The following SLIT2 variants were observed in gnomAD, a reference collection of about 807,000 sequenced individuals.
SLIT2 encodes the protein slit guidance ligand 2.
A neutral mutation model predicts 185.7 loss-of-function variants in SLIT2; 41 were observed. That is an observed-to-expected ratio of 0.22 (90% CI 0.17 to 0.29). SLIT2 has a LOEUF of 0.29. Among genes scored for constraint, SLIT2 ranks in the 10% least tolerant of loss-of-function variants. The pLI, the probability that SLIT2 is intolerant of heterozygous loss-of-function variation, is 1.00. For synonymous variants in SLIT2, 693 were observed against 680.2 expected, an observed-to-expected ratio of 1.02 and a Z score of -0.29; for missense variants, 1,571 against 1,909.0, an observed-to-expected ratio of 0.82 and a Z score of 3.30.
In SLIT2 at chr4:20,253,621, G is replaced by T; in HGVS notation, c.-195G>T. The T allele has an allele frequency of 1.6e-6, 1 of 624,690 alleles. No homozygotes were observed. Among genetic ancestry groups the T allele is most frequent in the South Asian group, 2.0e-5 (1 of 50,864 alleles). 38.7% of individuals were successfully genotyped at this position (624,690 alleles called of 1,614,324 possible). On this transcript the variant is annotated 5_prime_UTR_variant, in exon 1 of 37. Coordinates refer to ENST00000504154, the MANE Select transcript of SLIT2 (RefSeq NM_004787.4). The stretch of plus-strand genomic sequence containing the variant: ...GGAGCTCCTGCTCTGCCAGAGGAGG[G>T]TGGAGAGGGCGGTGGGAGGCGTGTG...
rs1716613144 is a variant in SLIT2 at position 20,480,702 on chromosome 4, A to G, written c.468-14A>G. On this transcript the variant is annotated splice_polypyrimidine_tract_variant and intron_variant, in intron 5 of 36. Coordinates refer to ENST00000504154, the MANE Select transcript of SLIT2 (RefSeq NM_004787.4). ...CCATCCCTTCTACATATATTCTTCTAATCTTTTTAACAGGCAACTGGATTA... is the reference window on the plus strand; with the variant it reads ...CCATCCCTTCTACATATATTCTTCTGATCTTTTTAACAGGCAACTGGATTA... The G allele has an allele frequency of 1.9e-6, 3 of 1,606,636 alleles. No homozygotes were observed. The highest frequency in any genetic ancestry group is 1.7e-5 in the Admixed American group (1 of 59,964).
chr4:20,493,689 C>G (rs544721259), intron 9 of SLIT2, among the ~76,000 whole-genome samples: 1 of 152,244 alleles, frequency 6.6e-6, no homozygotes, highest in East Asian at 1.9e-4. Context: ...CTCTGAGACC[C>G]TGTATCCCAT....
chr4:20,605,415 C>T (rs867334600), intron 33 of SLIT2, among the ~76,000 whole-genome samples: 3 of 152,104 alleles, frequency 2.0e-5, no homozygotes, highest in Non-Finnish European at 2.9e-5. Flanking sequence ...AATAGGTGAG[C>T]GTAGTAAAAC....
intron 26 of SLIT2, among the ~76,000 whole-genome samples, chr4:20,561,558 G>A (rs1053732753): frequency 9.9e-5 from 15 of 151,562 alleles, no homozygotes; most frequent in African/African-American, 2.2e-4. Flanking sequence ...ATTCAGTTTT[G>A]AAGCATTATT....
At chr4:20,478,770 A>G (rs1376033972) in intron 5 of SLIT2, among the ~76,000 whole-genome samples, 1 of 152,218 alleles carries the variant, frequency 6.6e-6, no homozygotes, top group Non-Finnish European at 1.5e-5. Flanking sequence ...GTACTAATTT[A>G]AATGGCTTTG....
Position 20,271,403 on chromosome 4 carries a change from A to G in SLIT2, c.395+2522A>G, listed in dbSNP as rs536781265. Among the ~76,000 whole-genome samples the G allele has an allele frequency of 6.5e-4, 95 of 146,808 alleles. 1 individual carries two copies. The South Asian group carries it at 0.018, about 28-fold the overall frequency. ...ATATGTTTTGACATTTATATAATAT[A>G]TAATTATTATACATAGTATATATTT... On this transcript the variant is annotated intron_variant, in intron 4 of 36. Transcript: ENST00000504154.
At position 20,437,372 on chromosome 4, in the gene SLIT2, T is replaced by C. The variant is rs564893658; in HGVS notation, c.396-30380T>C. Among the ~76,000 whole-genome samples the C allele has an allele frequency of 1.9e-4, 29 of 152,246 alleles. 1 individual carries two copies. The East Asian group carries it at 3.7e-3, about 19-fold the overall frequency. ...GCTCACACCTGTATTCTTAACACTT[T>C]AGGAGGCCAAGGCCTGAGGATCACT... On this transcript the variant is annotated intron_variant, in intron 4 of 36. Coordinates refer to ENST00000504154, the MANE Select transcript of SLIT2 (RefSeq NM_004787.4).
chr4:20,587,463 C>T (rs1727155697), intron 29 of SLIT2, among the ~76,000 whole-genome samples: 1 of 152,122 alleles, frequency 6.6e-6, no homozygotes, highest in Non-Finnish European at 1.5e-5. Context: ...GAATACTTGA[C>T]ATTGATGTAG....
chr4:20,560,845 C>T lies in SLIT2; in HGVS notation c.2726-6417C>T, dbSNP rs913462144. Among the ~76,000 whole-genome samples the T allele has an allele frequency of 6.6e-5, 10 of 151,688 alleles. 1 individual carries two copies. Among genetic ancestry groups the T allele is most frequent in the South Asian group, 4.2e-4 (2 of 4,812 alleles). ...TAATTAAACAAATATTATTCAAGTT[C>T]GTACAATGTTCAAGGCACTGTGTCT... On this transcript the variant is annotated intron_variant, in intron 26 of 36. Coordinates refer to ENST00000504154, the MANE Select transcript of SLIT2 (RefSeq NM_004787.4).
chr4:20,518,583 A>T (rs1219118376), intron 11 of SLIT2, among the ~76,000 whole-genome samples: 3 of 23,598 alleles, frequency 1.3e-4, no homozygotes, highest in Admixed American at 8.0e-4. Context: ...ATATATATAT[A>T]TATATTTTTT....
intron 4 of SLIT2, among the ~76,000 whole-genome samples, chr4:20,356,456 A>T (rs773110229): frequency 6.6e-5 from 10 of 152,234 alleles, no homozygotes; most frequent in Non-Finnish European, 1.2e-4. Flanking sequence ...AGTAAAATGT[A>T]GCCTAACACA....
intron 33 of SLIT2, among the ~76,000 whole-genome samples, chr4:20,607,420 C>G (rs1212866687): frequency 6.6e-6 from 1 of 152,178 alleles, no homozygotes; most frequent in African/African-American, 2.4e-5. Context: ...CCTAATACAT[C>G]TCTCTTGTAT....
chr4:20,381,313 G>A (rs1475612659), intron 4 of SLIT2, among the ~76,000 whole-genome samples: 1 of 151,888 alleles, frequency 6.6e-6, no homozygotes, highest in African/African-American at 2.4e-5. Context: ...TATTTTAAAA[G>A]CAGGCAGAGA....
chr4:20,536,981 G>T (rs1183729050), intron 18 of SLIT2, among the ~76,000 whole-genome samples: 1 of 152,106 alleles, frequency 6.6e-6, no homozygotes, highest in Non-Finnish European at 1.5e-5. Context: ...CCTTGTCCCA[G>T]TGGAAGGTCT....
At chr4:20,363,100 C>T (rs1722865879) in intron 4 of SLIT2, among the ~76,000 whole-genome samples, 1 of 151,904 alleles carries the variant, frequency 6.6e-6, no homozygotes, top group Non-Finnish European at 1.5e-5. Context: ...GCTTCTTATA[C>T]CTAATTAAAA....
intron 4 of SLIT2, among the ~76,000 whole-genome samples, chr4:20,389,411 C>A (rs903709684): frequency 2.1e-4 from 32 of 151,962 alleles, no homozygotes; most frequent in African/African-American, 7.7e-4. Context: ...AGGAGTTGTT[C>A]TTTCTGACAT....
In SLIT2 at chr4:20,484,114, C is replaced by A. The variant is rs953340358; in HGVS notation, c.540-2086C>A. 1.3e-5 allele frequency among the ~76,000 whole-genome samples: 2 copies of A among 151,968 alleles called. No homozygotes were observed. Among genetic ancestry groups the A allele is most frequent in the African/African-American group, 4.8e-5 (2 of 41,370 alleles). On this transcript the variant is annotated intron_variant, in intron 6 of 36. Coordinates refer to ENST00000504154, the MANE Select transcript of SLIT2 (RefSeq NM_004787.4). This position sits in a 1 kb window ranked among gnomAD's most constrained non-coding sequence, Gnocchi z 4.3. The stretch of plus-strand genomic sequence containing the variant: ...GGCATTCAATGAAAGTTTTCCTTTG[C>A]ATGGAGATATAAGAAACTATAGTTC...
At chr4:20,419,705 G>GTA (rs1728014086) in intron 4 of SLIT2, among the ~76,000 whole-genome samples, 1 of 151,332 alleles carries the variant, frequency 6.6e-6, no homozygotes, top group African/African-American at 2.4e-5. Context: ...GTGTGTGTGT[G>GTA]TGTGTTGCAA....
chr4:20,280,833 G>GTTTTTTTTTTT lies in SLIT2; in HGVS notation c.395+11958_395+11968dup, dbSNP rs34477780. ...GTTTGAAGGCTTATATTAAAAAAATGTTTTTTTTTTTTTTTTGAGACGGAG... is the reference window on the plus strand; with the variant it reads ...GTTTGAAGGCTTATATTAAAAAAATGTTTTTTTTTTTTTTTTTTTTTTTTTTTGAGACGGAG... On this transcript the variant is annotated intron_variant, in intron 4 of 36. Transcript: ENST00000504154. 1.7e-3 allele frequency among the ~76,000 whole-genome samples: 217 copies of GTTTTTTTTTTT among 130,568 alleles called. 2 individuals are homozygous for GTTTTTTTTTTT. Among genetic ancestry groups the GTTTTTTTTTTT allele is most frequent in the African/African-American group, 5.0e-3 (163 of 32,904 alleles). 85.7% of individuals were successfully genotyped at this position (130,568 alleles called of 152,430 possible). A position where few individuals can be genotyped will look rare whatever the true frequency, so the allele number is the denominator to read the frequency against.
Sources: gnomAD v4.1 joint callset for allele counts (sites outside exome capture counted in the v4.1 genomes callset) on GRCh38, gnomAD v4.1.1 for gene constraint, Gnocchi (gnomAD v3.1) non-coding constraint, MANE v1.5 for transcripts, NCBI Gene and HGNC (gene_info 2026-07-23, HGNC 2026-07-21) for gene names.